Variants in AGBL1 observed in about 807,000 individuals in gnomAD.
AGBL1 encodes the protein AGBL carboxypeptidase 1, also known as cytosolic carboxypeptidase 4.
A neutral mutation model predicts 118.9 loss-of-function variants in AGBL1; 130 were observed. That is an observed-to-expected ratio of 1.09 (90% CI 0.95 to 1.26). The LOEUF is 1.26. AGBL1 is among the 50% of genes most tolerant of loss of function. The pLI is 0.00. For synonymous variants in AGBL1, 555 were observed against 478.9 expected (o/e 1.16, Z -2.08); for missense variants, 1,584 against 1,298.1 (o/e 1.22, Z -3.38).
At chr15:86,706,863 C>T (rs1324886484) in intron 22 of AGBL1, among the ~76,000 whole-genome samples, 1 of 152,240 alleles carries the variant, frequency 6.6e-6, no homozygotes, top group Non-Finnish European at 1.5e-5. Flanking sequence ...ACCTACTTAA[C>T]CTAGCTTACT....
chr15:86,776,811 G>A (rs1298369963), intron 22 of AGBL1, among the ~76,000 whole-genome samples: 1 of 149,004 alleles, frequency 6.7e-6, no homozygotes, highest in Non-Finnish European at 1.5e-5. Flanking sequence ...AGAATTAAGG[G>A]GAATTTGTTA....
intron 17 of AGBL1, chr15:86,299,976 TC>T (rs965333699): frequency 2.6e-5 from 4 of 152,150 alleles, no homozygotes; most frequent in African/African-American, 9.7e-5. Flanking sequence ...CTCAGCCATT[TC>T]CGAAAAACCA....
intron 5 of AGBL1, among the ~76,000 whole-genome samples, chr15:86,208,249 G>T (rs960466196): frequency 6.6e-6 from 1 of 152,082 alleles, no homozygotes; most frequent in Non-Finnish European, 1.5e-5. Flanking sequence ...TTTTTGCATC[G>T]ATGTTCATCA....
At chr15:86,973,534 A>C (rs982831338) in intron 23 of AGBL1, among the ~76,000 whole-genome samples, 48 of 140,122 alleles carry the variant, frequency 3.4e-4, no homozygotes, top group Non-Finnish European at 6.9e-4. Context: ...CATGATCGGA[A>C]AAAAATCACA....
At chr15:86,929,441 A>C (rs2080580624) in intron 23 of AGBL1, among the ~76,000 whole-genome samples, 1 of 152,214 alleles carries the variant, frequency 6.6e-6, no homozygotes, top group African/African-American at 2.4e-5. Flanking sequence ...GCAACTGATC[A>C]CATTCCCCTC....
chr15:86,550,441 T>C (rs562469525), intron 20 of AGBL1, among the ~76,000 whole-genome samples: 3 of 152,156 alleles, frequency 2.0e-5, no homozygotes, highest in Non-Finnish European at 2.9e-5. Context: ...TGGGAAAAGA[T>C]ACACCATGCA....
intron 18 of AGBL1, among the ~76,000 whole-genome samples, chr15:86,424,046 G>T (rs2081831232): frequency 6.6e-6 from 1 of 152,040 alleles, no homozygotes; most frequent in African/African-American, 2.4e-5. Flanking sequence ...AATTTCATAT[G>T]GAACAAAAAA....
chr15:86,324,632 C>T (rs1419989424), intron 17 of AGBL1, among the ~76,000 whole-genome samples: 2 of 152,110 alleles, frequency 1.3e-5, no homozygotes, highest in African/African-American at 4.8e-5. Flanking sequence ...TAATGGGAGA[C>T]AGTCGATAAA....
At chr15:86,315,316 A>C (rs1227109697) in intron 17 of AGBL1, among the ~76,000 whole-genome samples, 2 of 152,178 alleles carry the variant, frequency 1.3e-5, no homozygotes, top group African/African-American at 4.8e-5. Context: ...GTAGCTAGGT[A>C]GACTTCTAAA....
At chr15:86,818,411 A>AT (rs1265852847) in intron 22 of AGBL1, among the ~76,000 whole-genome samples, 1 of 152,204 alleles carries the variant, frequency 6.6e-6, no homozygotes, top group African/African-American at 2.4e-5. Flanking sequence ...TGAACTGCAC[A>AT]TGCAAGGAAT....
chr15:86,742,380 G>T (rs1197696773), intron 22 of AGBL1, among the ~76,000 whole-genome samples: 4 of 152,168 alleles, frequency 2.6e-5, no homozygotes, highest in African/African-American at 9.6e-5. Context: ...TATGACAGAA[G>T]TGACTAAACT....
At chr15:87,006,162 G>T (rs1022736507) in intron 24 of AGBL1, among the ~76,000 whole-genome samples, 1 of 152,238 alleles carries the variant, frequency 6.6e-6, no homozygotes, top group Non-Finnish European at 1.5e-5. Flanking sequence ...TGAGGAGGCA[G>T]TCTGTCTGTT....
At chr15:86,689,504 G>A (rs895705072) in intron 22 of AGBL1, among the ~76,000 whole-genome samples, 35 of 152,056 alleles carry the variant, frequency 2.3e-4, no homozygotes, top group African/African-American at 8.2e-4. Context: ...TCTTTGTCAA[G>A]CCTCTCATCC....
chr15:86,736,196 T>C (rs971599135), intron 22 of AGBL1, among the ~76,000 whole-genome samples: 1 of 152,024 alleles, frequency 6.6e-6, no homozygotes, highest in Non-Finnish European at 1.5e-5. Flanking sequence ...TCCTGTCCAA[T>C]ATGGTGAAAC....
At chr15:86,825,376 G>A (rs2078992449) in intron 22 of AGBL1, among the ~76,000 whole-genome samples, 1 of 12,920 alleles carries the variant, frequency 7.7e-5, no homozygotes, top group Admixed American at 1.0e-3. Context: ...GAAAAGACAA[G>A]GTAGAAACTG....
At chr15:86,573,595 T>A (rs2084040503) in intron 21 of AGBL1, among the ~76,000 whole-genome samples, 2 of 152,222 alleles carry the variant, frequency 1.3e-5, no homozygotes, top group African/African-American at 4.8e-5. Flanking sequence ...TACTTCCTCC[T>A]CCTTTCGTAT....
At chr15:86,623,767 T>C (rs547140335) in intron 21 of AGBL1, among the ~76,000 whole-genome samples, 1 of 152,340 alleles carries the variant, frequency 6.6e-6, no homozygotes, top group African/African-American at 2.4e-5. Flanking sequence ...ACAAATGACA[T>C]GACAGTGATT....
At chr15:86,639,702 A>G (rs2085159813) in intron 21 of AGBL1, among the ~76,000 whole-genome samples, 1 of 152,178 alleles carries the variant, frequency 6.6e-6, no homozygotes, top group African/African-American at 2.4e-5. Flanking sequence ...TGGCTGCAGC[A>G]CAGAAATGGT....
chr15:86,879,499 T>C (rs765382254), intron 22 of AGBL1, among the ~76,000 whole-genome samples: 5 of 152,136 alleles, frequency 3.3e-5, no homozygotes, highest in Non-Finnish European at 7.4e-5. Flanking sequence ...AGTGAGACAT[T>C]TCCCCCTCCC....
Sources: gnomAD v4.1 joint callset for allele counts (sites outside exome capture counted in the v4.1 genomes callset) on GRCh38, gnomAD v4.1.1 for gene constraint, MANE v1.5 for transcripts, NCBI Gene and HGNC (gene_info 2026-07-23, HGNC 2026-07-21) for gene names.